Variants in NAALADL2 observed in about 807,000 individuals in gnomAD.
The protein encoded by NAALADL2 is N-acetylated alpha-linked acidic dipeptidase like 2, also known as inactive N-acetylated-alpha-linked acidic dipeptidase-like protein 2.
NAALADL2 carries 76 observed loss-of-function variants against 87.2 expected under a neutral mutation model. That is an observed-to-expected ratio of 0.87 (90% CI 0.72 to 1.05). The LOEUF is 1.05. Among genes scored for constraint, NAALADL2 ranks in the 50% least tolerant of loss-of-function variants. The pLI, the probability that NAALADL2 is intolerant of heterozygous loss-of-function variation, is 0.00. For synonymous variants in NAALADL2, 354 were observed against 331.0 expected, an observed-to-expected ratio of 1.07 and a Z score of -0.75; for missense variants, 1,089 against 945.8, an observed-to-expected ratio of 1.15 and a Z score of -1.99.
intron 9 of NAALADL2, among the ~76,000 whole-genome samples, chr3:175,489,896 G>A (rs774874417): frequency 1.3e-5 from 2 of 151,986 alleles, no homozygotes; most frequent in Non-Finnish European, 2.9e-5. Flanking sequence ...TATGACAATC[G>A]ACATTTTTGC....
chr3:175,036,804 CTT>C (rs10662446), intron 1 of NAALADL2, among the ~76,000 whole-genome samples: 30 of 117,340 alleles, frequency 2.6e-4, no homozygotes, highest in African/African-American at 6.9e-4. Context: ...TCCATCTGTT[CTT>C]TTTTTTTTTT....
intron 4 of NAALADL2, among the ~76,000 whole-genome samples, chr3:175,311,449 C>A (rs953250591): frequency 6.6e-6 from 1 of 152,030 alleles, no homozygotes; most frequent in African/African-American, 2.4e-5. Flanking sequence ...ACTGTGTGGT[C>A]TTGATCTTGT....
intron 1 of NAALADL2, among the ~76,000 whole-genome samples, chr3:174,958,038 C>T (rs959180958): frequency 1.3e-5 from 2 of 151,862 alleles, no homozygotes; most frequent in African/African-American, 4.8e-5. Context: ...TATGCATCGC[C>T]TCTTCCATGT....
intron 1 of NAALADL2, among the ~76,000 whole-genome samples, chr3:174,889,975 C>T (rs574205391): frequency 6.6e-6 from 1 of 152,234 alleles, no homozygotes; most frequent in African/African-American, 2.4e-5. Flanking sequence ...TTCAATGTTT[C>T]TTAAAAGAAG....
chr3:175,249,855 G>C (rs1323319282), intron 3 of NAALADL2, among the ~76,000 whole-genome samples: 1 of 152,042 alleles, frequency 6.6e-6, no homozygotes, highest in Non-Finnish European at 1.5e-5. Context: ...AGGTCACAAG[G>C]GTTGGGTCCT....
intron 9 of NAALADL2, among the ~76,000 whole-genome samples, chr3:175,558,857 T>C (rs1715794892): frequency 6.6e-6 from 1 of 152,208 alleles, no homozygotes. Context: ...TTAGGTAATG[T>C]GGTTCTTCCA....
intron 9 of NAALADL2, among the ~76,000 whole-genome samples, chr3:175,540,073 G>C (rs910137234): frequency 6.6e-6 from 1 of 152,158 alleles, no homozygotes; most frequent in African/African-American, 2.4e-5. Flanking sequence ...AAATATACGT[G>C]TTCCCGTAAT....
chr3:175,115,418 T>A (rs1724949367), intron 2 of NAALADL2, among the ~76,000 whole-genome samples: 1 of 92,728 alleles, frequency 1.1e-5, no homozygotes. Context: ...ATATATAAAC[T>A]TAATTTCTTT....
At chr3:174,497,421 G>A (rs1022965742) in intron 1 of NAALADL2, among the ~76,000 whole-genome samples, 6 of 151,906 alleles carry the variant, frequency 3.9e-5, no homozygotes, top group African/African-American at 1.5e-4. Context: ...TTGAACCCAG[G>A]AGTTTAAAAC....
chr3:174,607,873 GCACCA>G (rs1459193891), intron 2 of NAALADL2, among the ~76,000 whole-genome samples: 1 of 151,572 alleles, frequency 6.6e-6, no homozygotes. Flanking sequence ...ATTTTTTTCA[GCACCA>G]CACCACACCT....
intron 2 of NAALADL2, among the ~76,000 whole-genome samples, chr3:175,209,252 A>C (rs1383393884): frequency 1.3e-5 from 2 of 152,136 alleles, no homozygotes; most frequent in East Asian, 3.9e-4. Flanking sequence ...TTCAATAGCT[A>C]TAAAAGATAT....
In NAALADL2 at chr3:175,120,681, T is replaced by C. The variant is rs73176751; in HGVS notation, c.545+23390T>C. ...GCTCACTTTTGCTATGTCTAGATGATTGTAACACAACTGGTTGAAAAGTGT... is the reference window on the plus strand; with the variant it reads ...GCTCACTTTTGCTATGTCTAGATGACTGTAACACAACTGGTTGAAAAGTGT... On this transcript the variant is annotated intron_variant, in intron 2 of 13. Transcript: ENST00000454872. Among the ~76,000 whole-genome samples the C allele has an allele frequency of 9.0e-3, 1,371 of 151,940 alleles. 7 individuals carry two copies. The highest frequency in any genetic ancestry group is 0.02 in the Middle Eastern group (6 of 294).
intron 3 of NAALADL2, among the ~76,000 whole-genome samples, chr3:174,776,435 G>C (rs906591617): frequency 1.6e-4 from 24 of 152,090 alleles, no homozygotes; most frequent in Admixed American, 1.4e-3. Flanking sequence ...CACCTCCACA[G>C]TTCCAGAGAC....
At chr3:174,879,060 A>G (rs1728870908) in intron 1 of NAALADL2, among the ~76,000 whole-genome samples, 1 of 151,996 alleles carries the variant, frequency 6.6e-6, no homozygotes. Context: ...AGGACAAGCC[A>G]AAACAACATT....
At chr3:175,260,731 A>G (rs951797704) in intron 4 of NAALADL2, among the ~76,000 whole-genome samples, 9 of 152,202 alleles carry the variant, frequency 5.9e-5, no homozygotes, top group Admixed American at 3.9e-4. Context: ...TAGTTACTAA[A>G]TCAGCGTTTA....
intron 2 of NAALADL2, among the ~76,000 whole-genome samples, chr3:175,159,484 A>G (rs544548950): frequency 6.6e-6 from 1 of 152,310 alleles, no homozygotes; most frequent in East Asian, 1.9e-4. Context: ...TAATATACAT[A>G]TTTGAATTTA....
At chr3:175,288,099 G>C (rs1200553598) in intron 4 of NAALADL2, among the ~76,000 whole-genome samples, 1 of 151,546 alleles carries the variant, frequency 6.6e-6, no homozygotes, top group Non-Finnish European at 1.5e-5. Context: ...TGTTTTTCTT[G>C]AGACCAGAGT....
chr3:174,667,729 C>T (rs182503573), intron 2 of NAALADL2, among the ~76,000 whole-genome samples: 1 of 151,712 alleles, frequency 6.6e-6, no homozygotes, highest in East Asian at 2.0e-4. Flanking sequence ...ATTAGGTGAA[C>T]TTGTCCTATA....
intron 11 of NAALADL2, among the ~76,000 whole-genome samples, chr3:175,642,499 C>CTTTTT (rs1206070195): frequency 9.9e-5 from 14 of 141,402 alleles, no homozygotes; most frequent in Non-Finnish European, 1.2e-4. Context: ...TCACCCAAAT[C>CTTTTT]TTTTTTTTTT....
Sources: gnomAD v4.1 joint callset for allele counts (sites outside exome capture counted in the v4.1 genomes callset) on GRCh38, gnomAD v4.1.1 for gene constraint, MANE v1.5 for transcripts, NCBI Gene and HGNC (gene_info 2026-07-23, HGNC 2026-07-21) for gene names.